The following DPP6 variants were observed in gnomAD, a reference collection of about 807,000 sequenced individuals.
DPP6 encodes A-type potassium channel modulatory protein DPP6.
DPP6 carries 69 observed loss-of-function variants against 122.6 expected under a neutral mutation model. The ratio of observed to expected loss-of-function variants is 0.56; its 90% CI spans 0.46 to 0.69. The LOEUF (loss-of-function observed/expected upper bound fraction) is 0.69. Ranked by LOEUF, DPP6 falls within the 30% of genes least tolerant of loss-of-function variation. The pLI is 0.00. For missense variants in DPP6, 928 were observed against 1,116.9 expected (o/e 0.83, Z 2.41); for synonymous variants, 418 against 433.1 (o/e 0.97, Z 0.43).
At chr7:154,082,452 T>A in intron 1 of DPP6, among the ~76,000 whole-genome samples, 1 of 152,078 alleles carries the variant, frequency 6.6e-6, no homozygotes, top group Non-Finnish European at 1.5e-5. Flanking sequence ...GTAATACTGC[T>A]GAGAGTCAAA....
intron 1 of DPP6, among the ~76,000 whole-genome samples, chr7:153,910,638 C>T (rs1460415683): frequency 6.6e-6 from 1 of 152,180 alleles, no homozygotes; most frequent in African/African-American, 2.4e-5. Flanking sequence ...CTTCACCTCT[C>T]ACGTGCCTAA....
At chr7:154,339,032 A>G (rs967649757) in intron 1 of DPP6, among the ~76,000 whole-genome samples, 8 of 152,200 alleles carry the variant, frequency 5.3e-5, no homozygotes, top group Admixed American at 5.2e-4. Context: ...CTAAACTTGC[A>G]GCAGACTGGC....
At chr7:154,824,453 A>G (rs939909617) in intron 16 of DPP6, among the ~76,000 whole-genome samples, 1 of 151,994 alleles carries the variant, frequency 6.6e-6, no homozygotes, top group Non-Finnish European at 1.5e-5. Context: ...CTAATTTTGT[A>G]TTTTTAGTAG....
intron 1 of DPP6, among the ~76,000 whole-genome samples, chr7:153,960,142 A>T (rs184442767): frequency 6.6e-6 from 1 of 150,444 alleles, no homozygotes; most frequent in Non-Finnish European, 1.5e-5. Context: ...CTGATATCAT[A>T]AAGTAAAACT....
At position 154,449,478 on chromosome 7, in the gene DPP6, T is replaced by C. The variant is rs149732656; in HGVS notation, c.358+3150T>C. ...ATAGAGAAATGGGAACCTTCTTACA[T>C]TACTAGTAGAAAGATAAATTGTGTG... On this transcript the variant is annotated intron_variant, in intron 2 of 25. Coordinates refer to ENST00000377770, the MANE Select transcript of DPP6 (RefSeq NM_130797.4). Among the ~76,000 whole-genome samples, 1,131 of 152,272 alleles carry C rather than the reference T, an allele frequency of 7.4e-3. 17 individuals are homozygous for C. Among genetic ancestry groups the C allele is most frequent in the African/African-American group, 0.026 (1,071 of 41,536 alleles).
chr7:154,129,471 CAT>C (rs1211898123), intron 1 of DPP6, among the ~76,000 whole-genome samples: 1 of 152,212 alleles, frequency 6.6e-6, no homozygotes, highest in African/African-American at 2.4e-5. Flanking sequence ...CTTTTGAAAA[CAT>C]AGACATGGGC....
At chr7:153,771,115 A>T in the DPP6 span, among the ~76,000 whole-genome samples, 1 of 152,188 alleles carries the variant, frequency 6.6e-6, no homozygotes, top group South Asian at 2.1e-4. Flanking sequence ...CACACCATGG[A>T]TCTGAGAAGT....
At chr7:153,896,634 C>G (rs1286266149) in intron 1 of DPP6, among the ~76,000 whole-genome samples, 1 of 152,022 alleles carries the variant, frequency 6.6e-6, no homozygotes, top group Admixed American at 6.6e-5. Flanking sequence ...GACAGCATCT[C>G]TACAAAAAAA....
intron 7 of DPP6, among the ~76,000 whole-genome samples, chr7:154,685,755 C>A (rs571391715): frequency 1.3e-5 from 2 of 152,172 alleles, no homozygotes; most frequent in African/African-American, 4.8e-5. Flanking sequence ...GGCTTGGCCA[C>A]GTTGTAGTTT....
chr7:154,419,983 C>G (rs563067238), intron 1 of DPP6, among the ~76,000 whole-genome samples: 1 of 152,076 alleles, frequency 6.6e-6, no homozygotes, highest in Non-Finnish European at 1.5e-5. Flanking sequence ...ATGCCTTTGA[C>G]GGATGGTTGG....
intron 1 of DPP6, among the ~76,000 whole-genome samples, chr7:154,373,324 C>CT (rs1161420593): frequency 1.3e-5 from 2 of 152,202 alleles, no homozygotes; most frequent in Non-Finnish European, 2.9e-5. Context: ...CTATTTTATT[C>CT]TTTTTTTATT....
intron 1 of DPP6, among the ~76,000 whole-genome samples, chr7:154,197,345 C>T (rs1798921534): frequency 6.6e-6 from 1 of 152,010 alleles, no homozygotes; most frequent in Non-Finnish European, 1.5e-5. Flanking sequence ...CATTCCTGTG[C>T]CTCTGTGTGC....
intron 1 of DPP6, among the ~76,000 whole-genome samples, chr7:154,228,588 G>A (rs1034264137): frequency 3.9e-5 from 6 of 152,130 alleles, no homozygotes; most frequent in Non-Finnish European, 8.8e-5. Context: ...CTTCATTTTA[G>A]TAAGAACCTA....
intron 2 of DPP6, among the ~76,000 whole-genome samples, chr7:154,449,591 C>T (rs542157454): frequency 6.6e-6 from 1 of 152,202 alleles, no homozygotes; most frequent in East Asian, 1.9e-4. Flanking sequence ...TAGGTATAGA[C>T]TCACGAAAAC....
chr7:154,498,477 A>G (rs1416710888), intron 3 of DPP6, among the ~76,000 whole-genome samples: 1 of 152,168 alleles, frequency 6.6e-6, no homozygotes, highest in African/African-American at 2.4e-5. Context: ...AGCTGGGACT[A>G]CAGGCACATG....
At chr7:153,790,960 C>G in the DPP6 span, among the ~76,000 whole-genome samples, 3 of 151,990 alleles carry the variant, frequency 2.0e-5, no homozygotes, top group Non-Finnish European at 2.9e-5. Context: ...TTTGGAAGAC[C>G]CGAGGAGATA....
intron 1 of DPP6, among the ~76,000 whole-genome samples, chr7:154,356,205 T>C (rs1424187258): frequency 1.3e-5 from 2 of 152,240 alleles, no homozygotes; most frequent in African/African-American, 4.8e-5. Flanking sequence ...TTAACACTAA[T>C]TTTATATTGA....
At chr7:154,419,155 A>G (rs1480082925) in intron 1 of DPP6, among the ~76,000 whole-genome samples, 2 of 152,240 alleles carry the variant, frequency 1.3e-5, no homozygotes, top group Non-Finnish European at 2.9e-5. Context: ...TTTTAGTATT[A>G]AAGGCAAAGC....
At chr7:154,838,322 A>G (rs1801247400) in intron 16 of DPP6, 1 of 152,200 alleles carries the variant, frequency 6.6e-6, no homozygotes, top group Admixed American at 6.5e-5. Context: ...CCTTCTTCAA[A>G]AGGAAACTTA....
Sources: allele counts gnomAD v4.1 joint callset (sites outside exome capture counted in the v4.1 genomes callset), GRCh38; gene constraint gnomAD v4.1.1; transcripts MANE v1.5; gene names NCBI Gene and HGNC (gene_info 2026-07-23, HGNC 2026-07-21).